RGS3: variants seen among roughly 807,000 people sequenced by gnomAD.
The protein encoded by RGS3 is regulator of G-protein signalling 3.
In RGS3, 80 loss-of-function variants were observed where a neutral mutation model predicts 132.6. The observed-to-expected ratio is 0.60, with a 90% CI of 0.50 to 0.73. RGS3 has a LOEUF of 0.73. RGS3 is among the 30% of genes least tolerant of loss of function. The pLI is 0.00. For missense variants in RGS3, 1,382 were observed against 1,530.8 expected (o/e 0.90, Z 1.62); for synonymous variants, 598 against 620.6 (o/e 0.96, Z 0.54).
At chr9:113,560,155 G>T (rs1212442239) in intron 19 of RGS3, among the ~76,000 whole-genome samples, 2 of 152,206 alleles carry the variant, frequency 1.3e-5, no homozygotes, top group East Asian at 3.8e-4. Flanking sequence ...TAGTGAGAGG[G>T]CCTGAAGGGG....
At chr9:113,479,430 T>C (rs1385488048) in intron 3 of RGS3, 61 bp from the exon 2 acceptor site, 8 of 1,533,392 alleles carry the variant, frequency 5.2e-6, no homozygotes, top group Non-Finnish European at 7.2e-6. Context: ...TTTCCTCTAG[T>C]TTTTTCCACC....
At chr9:113,462,674 G>A (rs575799311) in intron 3 of RGS3, among the ~76,000 whole-genome samples, 3 of 152,268 alleles carry the variant, frequency 2.0e-5, no homozygotes, top group African/African-American at 4.8e-5. Context: ...TAGACTTACC[G>A]TGAAGATTAA....
intron 17 of RGS3, among the ~76,000 whole-genome samples, chr9:113,528,736 C>T (rs1281278519): frequency 1.3e-5 from 2 of 152,222 alleles, no homozygotes; most frequent in African/African-American, 2.4e-5. Context: ...CTGGGCTCCA[C>T]CCAGTCTATG....
intron 16 of RGS3, among the ~76,000 whole-genome samples, chr9:113,519,692 C>T (rs1322208675): frequency 2.0e-5 from 3 of 148,266 alleles, no homozygotes; most frequent in Middle Eastern, 3.2e-3. Context: ...TTTTTTTTTA[C>T]TGGGAAGGGC....
At chr9:113,575,045 G>T (rs1834449851) in intron 19 of RGS3, among the ~76,000 whole-genome samples, 1 of 152,160 alleles carries the variant, frequency 6.6e-6, no homozygotes, top group South Asian at 2.1e-4. Flanking sequence ...AGAAATGGAG[G>T]CGAGAGGAGA....
At chr9:113,505,414 G>T (rs1329002123) in intron 10 of RGS3, 28 bp from the exon 9 acceptor site, 3 of 1,609,692 alleles carry the variant, frequency 1.9e-6, no homozygotes, top group East Asian at 2.2e-5. Context: ...CCAGCTTCTG[G>T]CAGTGACCGG....
chr9:113,583,762 G>C, exon 20 of RGS3: 1 of 1,614,054 alleles, frequency 6.2e-7, no homozygotes. Flanking sequence ...GGACCTACCT[G>C]CTGGTCAAGA....
In RGS3 at chr9:113,462,226, A is replaced by AGTCCATCTGTCACT. The variant is rs1829491897; in HGVS notation, c.415+26_415+27insTCCATCTGTCACTG. The AGTCCATCTGTCACT allele has an allele frequency of 5.8e-6, 8 of 1,387,368 alleles. No homozygotes were observed. The Admixed American group carries it at 1.6e-4, about 29-fold the overall frequency. 85.9% of individuals were successfully genotyped at this position (1,387,368 alleles called of 1,614,324 possible). ...GGTAAGTCCATCTGTCACTGGCTTG[A>AGTCCATCTGTCACT]GGCTAGGAGAGTGGACCTGCTCTTG... On this transcript the variant is annotated intron_variant, in intron 3 of 24. Transcript: ENST00000350696.
At position 113,584,445 on chromosome 9, in the gene RGS3, G is replaced by T. The variant is rs538531038; in HGVS notation, c.3015+18G>T. 3 of 1,502,372 alleles carry T rather than the reference G, an allele frequency of 2.0e-6. No individual in the cohort carries two copies. The highest frequency in any genetic ancestry group is 2.6e-6 in the Non-Finnish European group (3 of 1,133,462). 93.1% of individuals were successfully genotyped at this position (1,502,372 alleles called of 1,614,324 possible). A position where few individuals can be genotyped will look rare whatever the true frequency, so the allele number is the denominator to read the frequency against. On this transcript the variant is annotated intron_variant, in intron 20 of 24. Transcript: ENST00000350696. Reference sequence around the variant, plus strand: ...ACAGGAAGGTGAGAAAGCTAAAGGGGGAGGGAGAAGGATACATGCAATGTG... The same window carrying T: ...ACAGGAAGGTGAGAAAGCTAAAGGGTGAGGGAGAAGGATACATGCAATGTG...
intron 10 of RGS3, among the ~76,000 whole-genome samples, chr9:113,500,733 G>C (rs1417792458): frequency 6.7e-6 from 1 of 150,362 alleles, no homozygotes; most frequent in Non-Finnish European, 1.5e-5. Flanking sequence ...TGTCACCCAG[G>C]CTGGAGTACC....
At chr9:113,587,287 C>A (rs1325197278) in intron 20 of RGS3, among the ~76,000 whole-genome samples, 1 of 152,196 alleles carries the variant, frequency 6.6e-6, no homozygotes, top group Non-Finnish European at 1.5e-5. Context: ...CTTCTATCTT[C>A]CTGGCTTTGG....
exon 7 of RGS3, chr9:113,485,654 G>A (rs752898002): frequency 3.2e-5 from 51 of 1,598,268 alleles, no homozygotes; most frequent in Middle Eastern, 1.7e-4. Flanking sequence ...GATCAGAAGC[G>A]TCTCTTGGTT....
chr9:113,519,893 C>G (rs1831855666), intron 16 of RGS3, among the ~76,000 whole-genome samples: 2 of 152,108 alleles, frequency 1.3e-5, no homozygotes, highest in Non-Finnish European at 2.9e-5. Context: ...ATTAATGTGC[C>G]CTGAGGTCTA....
chr9:113,578,847 C>G (rs927505390), intron 19 of RGS3, among the ~76,000 whole-genome samples: 27 of 152,170 alleles, frequency 1.8e-4, no homozygotes, highest in African/African-American at 6.3e-4. Flanking sequence ...GCCTTCCTGC[C>G]CTTTCTCACT....
intron 19 of RGS3, among the ~76,000 whole-genome samples, chr9:113,578,193 C>G (rs1303222919): frequency 6.6e-6 from 1 of 152,062 alleles, no homozygotes; most frequent in African/African-American, 2.4e-5. Flanking sequence ...GGCAGACAGG[C>G]CCATGAGAGG....
At chr9:113,572,746 A>G (rs1173777673) in intron 19 of RGS3, among the ~76,000 whole-genome samples, 1 of 152,236 alleles carries the variant, frequency 6.6e-6, no homozygotes, top group East Asian at 1.9e-4. Flanking sequence ...CTGGACAGAC[A>G]TGCTGGGAAG....
chr9:113,557,138 G>T (rs540883183), intron 19 of RGS3, among the ~76,000 whole-genome samples: 3 of 152,356 alleles, frequency 2.0e-5, no homozygotes, highest in African/African-American at 7.2e-5. Flanking sequence ...TCTACCAATT[G>T]CAAGTGACAA....
intron 17 of RGS3, among the ~76,000 whole-genome samples, chr9:113,527,610 A>G (rs781323541): frequency 4.6e-5 from 7 of 152,204 alleles, no homozygotes; most frequent in Non-Finnish European, 1.0e-4. Flanking sequence ...TCATTTACAT[A>G]AGGGAGATTT....
chr9:113,477,848 G>A (rs1027947986), intron 3 of RGS3, among the ~76,000 whole-genome samples: 19 of 152,370 alleles, frequency 1.2e-4, no homozygotes, highest in South Asian at 6.2e-4. Flanking sequence ...GGTTGTCACA[G>A]ATGGAGCCAT....
Sources: gnomAD v4.1 joint callset for allele counts (sites outside exome capture counted in the v4.1 genomes callset) on GRCh38, gnomAD v4.1.1 for gene constraint, MANE v1.5 for transcripts, NCBI Gene and HGNC (gene_info 2026-07-23, HGNC 2026-07-21) for gene names.